The following THEM6 variants were observed in gnomAD, a reference collection of about 807,000 sequenced individuals.
THEM6 encodes the protein protein THEM6.
A neutral mutation model predicts 13.7 loss-of-function variants in THEM6; 10 were observed. The ratio of observed to expected loss-of-function variants is 0.73; its 90% CI spans 0.45 to 1.24. THEM6 has a LOEUF of 1.24. THEM6 is among the 50% of genes most tolerant of loss of function. The probability of loss-of-function intolerance (pLI) is 0.00; values close to 1 mark genes in which losing one functional copy is unlikely to be tolerated. For synonymous variants in THEM6, 161 were observed against 156.0 expected (o/e 1.03, Z -0.24); for missense variants, 317 against 312.6 (o/e 1.01, Z -0.11).
At chr8:142,728,773 A>G (rs1331637498) in intron 1 of THEM6, among the ~76,000 whole-genome samples, 1 of 152,178 alleles carries the variant, frequency 6.6e-6, no homozygotes, top group African/African-American at 2.4e-5. Flanking sequence ...GTGAAAGAAT[A>G]GCTGGTCCGT....
At chr8:142,732,756 G>A (rs1039066755) in intron 1 of THEM6, among the ~76,000 whole-genome samples, 23 of 138,856 alleles carry the variant, frequency 1.7e-4, no homozygotes, top group African/African-American at 6.0e-4. Context: ...GGGTTTATTC[G>A]TCACACCAGG....
intron 1 of THEM6, 41 bp from the exon 2 acceptor site, chr8:142,735,285 G>T (rs1386248847): frequency 1.3e-5 from 19 of 1,451,544 alleles, no homozygotes; most frequent in Non-Finnish European, 1.7e-5. Context: ...GAGGTGGGAA[G>T]GCCGTAGCTT....
chr8:142,727,784 C>G lies in THEM6; in HGVS notation c.438C>G (p.Cys146Trp). The change falls in exon 1 of 2, where the codon TGC becomes TGG. Residue 146 changes from cysteine to tryptophan, a missense_variant. Transcript: ENST00000336138. Reference sequence around the variant, plus strand: ...TCAGCCTGCGGGACGGCTTCGTGTGCGCGCTGCTGCGCTTCCGGCAGCACC... The same window carrying G: ...TCAGCCTGCGGGACGGCTTCGTGTGGGCGCTGCTGCGCTTCCGGCAGCACC... ...RFVSLRDGFV[C>W]ALLRFRQHLL... is the part of the protein sequence containing the mutation. 1 of 1,465,342 alleles carries G rather than the reference C, an allele frequency of 6.8e-7. No individual in the cohort carries two copies. Among genetic ancestry groups the G allele is most frequent in the Non-Finnish European group, 8.9e-7 (1 of 1,117,394 alleles). The allele number at this position is 1,465,342 out of a possible 1,614,324, so 90.8% of individuals were successfully genotyped here. A position where few individuals can be genotyped will look rare whatever the true frequency, so the allele number is the denominator to read the frequency against.
At chr8:142,734,290 A>G (rs1346173113) in intron 1 of THEM6, among the ~76,000 whole-genome samples, 4 of 152,148 alleles carry the variant, frequency 2.6e-5, no homozygotes, top group African/African-American at 7.2e-5. Context: ...TATGTCTTTC[A>G]TGCATCTAGA....
rs1250995115 is a variant in THEM6, at chr8:142,727,785, G to C, written c.439G>C (p.Ala147Pro). The C allele has an allele frequency of 6.8e-7, 1 of 1,466,486 alleles. No homozygotes were observed. The highest frequency in any genetic ancestry group is 1.5e-5 in the African/African-American group (1 of 67,844). The allele number at this position is 1,466,486 out of a possible 1,614,324, so 90.8% of individuals were successfully genotyped here. A position where few individuals can be genotyped will look rare whatever the true frequency, so the allele number is the denominator to read the frequency against. Residue 147 changes from alanine to proline, a missense_variant, in exon 1 of 2, where the codon GCG becomes CCG. Physicochemically the swap from Ala to Pro is conservative, Grantham distance 27. Transcript: ENST00000336138. ...FVSLRDGFVC[A>P]LLRFRQHLLG... ...CAGCCTGCGGGACGGCTTCGTGTGC[G>C]CGCTGCTGCGCTTCCGGCAGCACCT...
At position 142,733,056 on chromosome 8, in the gene THEM6, G is replaced by A. The variant is rs587735079; in HGVS notation, c.514-2270G>A. On this transcript the variant is annotated intron_variant, in intron 1 of 1. Transcript: ENST00000336138. The stretch of plus-strand genomic sequence containing the variant: ...AACAGGGTCATTTATAACCTGACGC[G>A]TCCACCCTATTGCCGTCTCTGGTTT... Among the ~76,000 whole-genome samples, 28 of 152,296 alleles carry A rather than the reference G, an allele frequency of 1.8e-4. No homozygotes were observed. The South Asian group carries it at 3.5e-3, about 19-fold the overall frequency.
intron 1 of THEM6, among the ~76,000 whole-genome samples, chr8:142,732,162 AT>A (rs1422262008): frequency 0.014 from 96 of 6,794 alleles, 4 homozygotes; most frequent in African/African-American, 0.068. Context: ...GGAGTTTTGA[AT>A]ATATATATAT....
chr8:142,728,801 C>T (rs1554642686), intron 1 of THEM6, among the ~76,000 whole-genome samples: 1 of 152,126 alleles, frequency 6.6e-6, no homozygotes, highest in Non-Finnish European at 1.5e-5. Context: ...GTAGCATGTT[C>T]CTGTAAGAGG....
intron 1 of THEM6, among the ~76,000 whole-genome samples, chr8:142,732,299 C>T (rs890689462): frequency 3.4e-5 from 5 of 148,828 alleles, no homozygotes; most frequent in Non-Finnish European, 7.4e-5. Flanking sequence ...CTTGCCTGCC[C>T]TGGGAGGTTG....
rs587664122 is a variant in THEM6 at position 142,730,893 on chromosome 8, C to T, written c.513+3034C>T. ...CTGAGTAGCTGGGACTACAGGCGCC[C>T]GCCACCATGCCCAGCTAATTTTTTG... On this transcript the variant is annotated intron_variant, in intron 1 of 1. Transcript: ENST00000336138. Among the ~76,000 whole-genome samples, 377 of 152,102 alleles carry T rather than the reference C, an allele frequency of 2.5e-3. 1 individual carries two copies. Among genetic ancestry groups the T allele is most frequent in the Middle Eastern group, 0.01 (3 of 294 alleles).
At chr8:142,735,240 G>A (rs920277529) in intron 1 of THEM6, 86 bp from the exon 2 acceptor site, 2 of 1,006,818 alleles carry the variant, frequency 2.0e-6, no homozygotes, top group African/African-American at 3.2e-5. Context: ...ATCTTGGAAG[G>A]TCACGGGCTG....
chr8:142,735,460 G>A lies in THEM6; in HGVS notation c.*21G>A, dbSNP rs1342097458. 6.5e-7 allele frequency: 1 copy of A among 1,531,796 alleles called. No individual in the cohort carries two copies. The highest frequency in any genetic ancestry group is 2.4e-5 in the East Asian group (1 of 41,140). 94.9% of individuals were successfully genotyped at this position (1,531,796 alleles called of 1,614,324 possible). ...AGTGACCGCCACCTTCACACCGTCT[G>A]CCCTGGCCACCATCCTGGGCCTGGG... On this transcript the variant is annotated 3_prime_UTR_variant, in exon 2 of 2. Transcript: ENST00000336138.
At chr8:142,731,676 T>C (rs1815649104) in intron 1 of THEM6, among the ~76,000 whole-genome samples, 3 of 152,202 alleles carry the variant, frequency 2.0e-5, no homozygotes, top group Non-Finnish European at 1.5e-5. Context: ...TTCACTCTCT[T>C]CATCCCCTGC....
chr8:142,728,954 T>TC (rs1365299125), intron 1 of THEM6, among the ~76,000 whole-genome samples: 4 of 148,576 alleles, frequency 2.7e-5, no homozygotes, highest in Admixed American at 2.7e-4. Flanking sequence ...TTTTTTTTTT[T>TC]TTTCAGACGG....
chr8:142,731,858 A>G (rs1815652622), intron 1 of THEM6, among the ~76,000 whole-genome samples: 1 of 151,838 alleles, frequency 6.6e-6, no homozygotes, highest in African/African-American at 2.4e-5. Flanking sequence ...TGGGATTTGC[A>G]TGGCTGCAGT....
chr8:142,731,601 T>A (rs1289293509), intron 1 of THEM6, among the ~76,000 whole-genome samples: 1 of 152,206 alleles, frequency 6.6e-6, no homozygotes, highest in Non-Finnish European at 1.5e-5. Context: ...TTGATTTCTG[T>A]CTCTTCCAGT....
intron 1 of THEM6, among the ~76,000 whole-genome samples, chr8:142,731,602 C>T (rs1554642941): frequency 6.6e-6 from 1 of 152,156 alleles, no homozygotes; most frequent in Non-Finnish European, 1.5e-5. Context: ...TGATTTCTGT[C>T]TCTTCCAGTT....
At chr8:142,730,755 T>A (rs1815628484) in intron 1 of THEM6, among the ~76,000 whole-genome samples, 1 of 151,938 alleles carries the variant, frequency 6.6e-6, no homozygotes, top group African/African-American at 2.4e-5. Context: ...TCTTTTTTTT[T>A]TTTTTTTGAG....
rs145138100 is a variant in THEM6, at chr8:142,735,455, C to T, written c.*16C>T. 2.0e-4 allele frequency: 310 copies of T among 1,539,610 alleles called. No homozygotes were observed. The highest frequency in any genetic ancestry group is 1.1e-3 in the African/African-American group (77 of 73,126). On this transcript the variant is annotated 3_prime_UTR_variant, in exon 2 of 2. Coordinates refer to ENST00000336138, the MANE Select transcript of THEM6 (RefSeq NM_016647.3). Reference sequence around the variant, plus strand: ...GGACCAGTGACCGCCACCTTCACACCGTCTGCCCTGGCCACCATCCTGGGC... The same window carrying T: ...GGACCAGTGACCGCCACCTTCACACTGTCTGCCCTGGCCACCATCCTGGGC...
Sources: gnomAD v4.1 joint callset for allele counts (sites outside exome capture counted in the v4.1 genomes callset) on GRCh38, gnomAD v4.1.1 for gene constraint, MANE v1.5 for transcripts, NCBI Gene and HGNC (gene_info 2026-07-23, HGNC 2026-07-21) for gene names.